The following GPHN variants were observed in gnomAD, a reference collection of about 807,000 sequenced individuals.
GPHN encodes gephyrin.
In GPHN, 17 loss-of-function variants were observed where a neutral mutation model predicts 95.5. The observed-to-expected ratio is 0.18, with a 90% CI of 0.12 to 0.27. The LOEUF (loss-of-function observed/expected upper bound fraction) is 0.27. Ranked by LOEUF, GPHN falls within the 10% of genes least tolerant of loss-of-function variation. GPHN has a pLI of 1.00. For missense variants in GPHN, 660 were observed against 978.1 expected (o/e 0.67, Z 4.34); for synonymous variants, 320 against 322.5 (o/e 0.99, Z 0.08).
At chr14:67,400,697 G>T in the GPHN span, among the ~76,000 whole-genome samples, 1 of 152,002 alleles carries the variant, frequency 6.6e-6, no homozygotes, top group Admixed American at 6.6e-5. Flanking sequence ...GAGGGCAAAA[G>T]AATCTTAGGG....
intron 1 of GPHN, among the ~76,000 whole-genome samples, chr14:66,554,028 C>T (rs2059920054): frequency 6.6e-6 from 1 of 152,138 alleles, no homozygotes; most frequent in Non-Finnish European, 1.5e-5. Flanking sequence ...CAAAAATCCT[C>T]TTATTTCATC....
Position 66,595,833 on chromosome 14 carries a change from A to G in GPHN, c.65-85274A>G, listed in dbSNP as rs116611567. 7.3e-3 allele frequency among the ~76,000 whole-genome samples: 1,113 copies of G among 152,294 alleles called. 24 individuals are homozygous for G. Among genetic ancestry groups the G allele is most frequent in the African/African-American group, 0.026 (1,061 of 41,560 alleles). On this transcript the variant is annotated intron_variant, in intron 1 of 22. Transcript: ENST00000478722. ...ACGTGGCAAGCAAGGGGCGTGTTTC[A>G]GCCCTGTTTGTGTTACTGCTCTTTC...
chr14:66,987,180 T>C (rs1395176762), intron 9 of GPHN, among the ~76,000 whole-genome samples: 1 of 152,166 alleles, frequency 6.6e-6, no homozygotes, highest in African/African-American at 2.4e-5. Flanking sequence ...CCTCACTGTC[T>C]ATCTGTGAGG....
chr14:66,776,585 T>C, intron 3 of GPHN, 64 bp downstream of exon 3: 2 of 914,306 alleles, frequency 2.2e-6, no homozygotes, highest in South Asian at 2.6e-5. Flanking sequence ...GGGGAAGAGT[T>C]GCTTTTTCTT....
chr14:67,274,265 T>C, the GPHN span, among the ~76,000 whole-genome samples: 1 of 152,228 alleles, frequency 6.6e-6, no homozygotes, highest in Non-Finnish European at 1.5e-5. Context: ...GGTCTAACAT[T>C]TAAGTCTTTA....
intron 3 of GPHN, among the ~76,000 whole-genome samples, chr14:66,800,105 G>A (rs76457381): frequency 0.017 from 2,525 of 151,978 alleles, 38 homozygotes; most frequent in African/African-American, 0.02. Flanking sequence ...ACACTTTAAC[G>A]TTATCCCTCC....
At chr14:67,198,016 T>C in the GPHN span, 2 of 864,648 alleles carry the variant, frequency 2.3e-6, no homozygotes, top group Non-Finnish European at 3.5e-6. Flanking sequence ...AAGTGCCTGG[T>C]GCAGTGCCAA....
chr14:67,359,851 T>G, the GPHN span: 4 of 793,584 alleles, frequency 5.0e-6, no homozygotes, highest in Middle Eastern at 3.6e-4. Flanking sequence ...GACACCCATT[T>G]TCACTTCCGC....
At position 67,064,501 on chromosome 14, in the gene GPHN, A is replaced by G. The variant is rs552486728; in HGVS notation, c.1144+5715A>G. ...TTCTATTGATTGGAATAGTTTCAGA[A>G]GGAATGATACCAACTCCTCTTTGTA... On this transcript the variant is annotated intron_variant, in intron 11 of 22. Transcript: ENST00000478722. Among the ~76,000 whole-genome samples the G allele has an allele frequency of 2.6e-5, 4 of 152,296 alleles. No homozygotes were observed. In the East Asian group the frequency reaches 7.7e-4, roughly 29 times the overall value.
At chr14:67,025,086 T>C (rs1325674633) in intron 10 of GPHN, among the ~76,000 whole-genome samples, 7 of 152,184 alleles carry the variant, frequency 4.6e-5, no homozygotes, top group African/African-American at 1.7e-4. Flanking sequence ...AAGTCTCGCA[T>C]TAGATTGCAC....
At chr14:67,720,991 G>A in the GPHN span, 1 of 152,168 alleles carries the variant, frequency 6.6e-6, no homozygotes, top group Non-Finnish European at 1.5e-5. Context: ...TGTTCTGTTG[G>A]TCAGGTCCAT....
intron 3 of GPHN, among the ~76,000 whole-genome samples, chr14:66,817,667 TG>T (rs1218692515): frequency 2.6e-5 from 4 of 152,168 alleles, no homozygotes; most frequent in African/African-American, 9.6e-5. Flanking sequence ...TCACCTCAGT[TG>T]GGTCTGGAGA....
chr14:66,971,188 C>T (rs534386024), intron 9 of GPHN, among the ~76,000 whole-genome samples: 3 of 152,190 alleles, frequency 2.0e-5, no homozygotes, highest in African/African-American at 4.8e-5. Context: ...ATTAGCCAGG[C>T]GCGTTGGCAC....
At chr14:66,992,065 TAAAAG>T (rs750142599) in intron 9 of GPHN, among the ~76,000 whole-genome samples, 51 of 152,044 alleles carry the variant, frequency 3.4e-4, no homozygotes, top group Admixed American at 6.6e-4. Flanking sequence ...TAAAGATAGT[TAAAAG>T]AAAAGAAAGG....
rs2080192535 is a variant in GPHN, at chr14:67,137,903, G to A, written c.1749-5459G>A. Among the ~76,000 whole-genome samples the A allele has an allele frequency of 2.0e-5, 3 of 152,180 alleles. No homozygotes were observed. In the South Asian group the frequency reaches 6.2e-4, roughly 32 times the overall value. Reference sequence around the variant, plus strand: ...TAAGATATGCCACTCTTTGTGAAAAGGGAAACTACTGATATATACCTAGAA... The same window carrying A: ...TAAGATATGCCACTCTTTGTGAAAAAGGAAACTACTGATATATACCTAGAA... On this transcript the variant is annotated intron_variant, in intron 17 of 22. Transcript: ENST00000478722.
the GPHN span, among the ~76,000 whole-genome samples, chr14:67,222,197 T>C: frequency 6.6e-6 from 1 of 152,200 alleles, no homozygotes; most frequent in East Asian, 1.9e-4. Context: ...GGTCCACAAC[T>C]AAATTTTTGG....
chr14:67,666,369 T>G, the GPHN span, among the ~76,000 whole-genome samples: 3 of 152,240 alleles, frequency 2.0e-5, no homozygotes, highest in African/African-American at 7.2e-5. Flanking sequence ...CACTAACTTC[T>G]GTGTGCTAGA....
chr14:66,565,122 T>A (rs1229300753), intron 1 of GPHN, among the ~76,000 whole-genome samples: 1 of 152,188 alleles, frequency 6.6e-6, no homozygotes, highest in African/African-American at 2.4e-5. Context: ...CTTGGCAGCA[T>A]TTCTCACCTA....
chr14:66,693,764 C>T (rs1250841697), intron 2 of GPHN, among the ~76,000 whole-genome samples: 1 of 152,146 alleles, frequency 6.6e-6, no homozygotes, highest in African/African-American at 2.4e-5. Context: ...TATAATCCTT[C>T]AACCAGTCAA....
Sources: gnomAD v4.1 joint callset for allele counts (sites outside exome capture counted in the v4.1 genomes callset) on GRCh38, gnomAD v4.1.1 for gene constraint, MANE v1.5 for transcripts, NCBI Gene and HGNC (gene_info 2026-07-23, HGNC 2026-07-21) for gene names.